MCF2L: variants seen among roughly 807,000 people sequenced by gnomAD.
MCF2L encodes the protein guanine nucleotide exchange factor DBS.
MCF2L carries 97 observed loss-of-function variants against 153.4 expected under a neutral mutation model. The ratio of observed to expected loss-of-function variants is 0.63; its 90% CI spans 0.54 to 0.75. The LOEUF is 0.75. MCF2L is among the 30% of genes least tolerant of loss of function. The pLI, the probability that MCF2L is intolerant of heterozygous loss-of-function variation, is 0.00. For missense variants in MCF2L, 1,347 were observed against 1,495.2 expected, an observed-to-expected ratio of 0.90 and a Z score of 1.64; for synonymous variants, 659 against 632.2, an observed-to-expected ratio of 1.04 and a Z score of -0.64.
rs897986846 is a variant in MCF2L at position 112,904,787 on chromosome 13, G to A, written c.169+2416G>A. 6.6e-6 allele frequency among the ~76,000 whole-genome samples: 1 copy of A among 152,254 alleles called. No individual in the cohort carries two copies. The highest frequency in any genetic ancestry group is 2.4e-5 in the African/African-American group (1 of 41,472). ...CGCACTCGGCTCTCAGGCCCTGCCT[G>A]CACCACACCTGCTCCGTCTCCAGGT... On this transcript the variant is annotated intron_variant, in intron 2 of 29. Coordinates refer to the MCF2L transcript ENST00000375608. This position sits in a 1 kb window ranked among gnomAD's most constrained non-coding sequence, Gnocchi z 4.2.
chr13:112,988,483 C>T (rs1181162264), intron 1 of MCF2L, among the ~76,000 whole-genome samples: 9 of 152,132 alleles, frequency 5.9e-5, no homozygotes, highest in South Asian at 4.1e-4. Context: ...CCTGGAGGGA[C>T]GTTCTGTCCT....
Position 113,031,707 on chromosome 13 carries a change from T to G in MCF2L, c.278+6949T>G, listed in dbSNP as rs2085734134. Reference sequence around the variant, plus strand: ...GGAAGGAATTCACTGAAGCTGATGATGACGCTTACTTTCCATGGGCCTGGC... The same window carrying G: ...GGAAGGAATTCACTGAAGCTGATGAGGACGCTTACTTTCCATGGGCCTGGC... On this transcript the variant is annotated intron_variant, in intron 3 of 29. Coordinates refer to ENST00000535094, the MANE Select transcript of MCF2L (RefSeq NM_001112732.3). This position sits in a 1 kb window ranked among gnomAD's most constrained non-coding sequence, Gnocchi z 5.5. Among the ~76,000 whole-genome samples, 1 of 152,042 alleles carries G rather than the reference T, an allele frequency of 6.6e-6. No homozygotes were observed. Among genetic ancestry groups the G allele is most frequent in the African/African-American group, 2.4e-5 (1 of 41,378 alleles).
chr13:112,985,533 C>A (rs1237832770), intron 1 of MCF2L: 4 of 460,132 alleles, frequency 8.7e-6, no homozygotes, highest in Non-Finnish European at 1.8e-5. Flanking sequence ...TCGGAGCAGT[C>A]GAGGCGGCCT....
chr13:112,946,335 T>A (rs532424987), intron 2 of MCF2L, among the ~76,000 whole-genome samples: 3 of 152,176 alleles, frequency 2.0e-5, no homozygotes, highest in African/African-American at 7.2e-5. Flanking sequence ...ATAAAACACA[T>A]GTGGTTGTGA....
intron 2 of MCF2L, among the ~76,000 whole-genome samples, chr13:113,019,433 G>C (rs1170419104): frequency 6.6e-6 from 1 of 152,206 alleles, no homozygotes; most frequent in Non-Finnish European, 1.5e-5. Context: ...CCAGGCTTCA[G>C]CCACAGACAG....
In MCF2L at chr13:112,907,582, C is replaced by T. The variant is rs58524880; in HGVS notation, c.169+5211C>T. On this transcript the variant is annotated intron_variant, in intron 2 of 29. Coordinates refer to the MCF2L transcript ENST00000375608. The surrounding 1 kb of genome is among the most constrained non-coding windows in gnomAD (Gnocchi z 5.1). Reference sequence around the variant, plus strand: ...TCTGACGGGGGAAGATGTGTTTCTTCACATCTTCAGGCTCCTTCTGTGGTT... The same window carrying T: ...TCTGACGGGGGAAGATGTGTTTCTTTACATCTTCAGGCTCCTTCTGTGGTT... Among the ~76,000 whole-genome samples, 5,057 of 152,178 alleles carry T rather than the reference C, an allele frequency of 0.033. 284 individuals carry two copies. The highest frequency in any genetic ancestry group is 0.11 in the African/African-American group (4,751 of 41,482).
rs145154542 is a variant in MCF2L, at chr13:112,941,744, G to A, written c.169+39373G>A. Among the ~76,000 whole-genome samples the A allele has an allele frequency of 5.5e-3, 835 of 152,226 alleles. 8 individuals carry two copies. Among genetic ancestry groups the A allele is most frequent in the African/African-American group, 0.019 (792 of 41,502 alleles). ...GTTATACTAGATATCGATCTTAGATGTGATTATATATGAATATCAATCATT... is the reference window on the plus strand; with the variant it reads ...GTTATACTAGATATCGATCTTAGATATGATTATATATGAATATCAATCATT... On this transcript the variant is annotated intron_variant, in intron 2 of 29. Coordinates refer to the MCF2L transcript ENST00000375608. This position sits in a 1 kb window ranked among gnomAD's most constrained non-coding sequence, Gnocchi z 4.9.
intron 26 of MCF2L, among the ~76,000 whole-genome samples, chr13:113,092,145 T>C (rs1385750227): frequency 6.6e-6 from 1 of 152,186 alleles, no homozygotes; most frequent in African/African-American, 2.4e-5. Context: ...TCAAACCCTC[T>C]CCGCTTGTGA....
chr13:113,035,300 G>T lies in MCF2L; in HGVS notation c.279-9971G>T, dbSNP rs778174093. 1.8e-4 allele frequency among the ~76,000 whole-genome samples: 27 copies of T among 152,130 alleles called. No homozygotes were observed. Among genetic ancestry groups the T allele is most frequent in the Non-Finnish European group, 3.4e-4 (23 of 68,026 alleles). On this transcript the variant is annotated intron_variant, in intron 3 of 29. Transcript: ENST00000535094. This position sits in a 1 kb window ranked among gnomAD's most constrained non-coding sequence, Gnocchi z 4.4. ...TGAATCGTGCATATTTTACTCTAAG[G>T]CCTGTCTGTAAACCCTAATAAATGA...
chr13:112,904,506 C>T lies in MCF2L; in HGVS notation c.169+2135C>T, dbSNP rs971223718. On this transcript the variant is annotated intron_variant, in intron 2 of 29. Coordinates refer to the MCF2L transcript ENST00000375608. The surrounding 1 kb of genome is among the most constrained non-coding windows in gnomAD (Gnocchi z 4.2). ...TGGTCAGAGCACCCACTTAGCAAGCCGTGGCTCTTAATAATGTCACATCTG... is the reference window on the plus strand; with the variant it reads ...TGGTCAGAGCACCCACTTAGCAAGCTGTGGCTCTTAATAATGTCACATCTG... Among the ~76,000 whole-genome samples the T allele has an allele frequency of 1.4e-4, 21 of 152,222 alleles. No homozygotes were observed. The highest frequency in any genetic ancestry group is 4.6e-4 in the Admixed American group (7 of 15,284).
At chr13:112,922,443 A>G (rs1406238919) in intron 2 of MCF2L, among the ~76,000 whole-genome samples, 2 of 152,194 alleles carry the variant, frequency 1.3e-5, no homozygotes, top group African/African-American at 2.4e-5. Flanking sequence ...ACCTGGCAAC[A>G]TAGTACTTTG....
intron 1 of MCF2L, among the ~76,000 whole-genome samples, chr13:112,896,457 G>GC (rs59245470): frequency 4.6e-5 from 7 of 151,312 alleles, no homozygotes; most frequent in African/African-American, 1.7e-4. Context: ...CAGAAGAGAG[G>GC]CCCCCCCTGT....
At chr13:112,929,841 CTTG>C (rs2081443897) in intron 2 of MCF2L, among the ~76,000 whole-genome samples, 2 of 152,212 alleles carry the variant, frequency 1.3e-5, no homozygotes, top group East Asian at 3.8e-4. Flanking sequence ...CAGTTGGCTG[CTTG>C]TTGTTTTCTT....
chr13:112,927,158 G>A (rs970384588), intron 2 of MCF2L, among the ~76,000 whole-genome samples: 11 of 152,166 alleles, frequency 7.2e-5, no homozygotes, highest in Non-Finnish European at 1.6e-4. Context: ...GCATGGCTGC[G>A]GCAAATGGCA....
At chr13:112,938,635 A>G (rs2081546213) in intron 2 of MCF2L, among the ~76,000 whole-genome samples, 1 of 152,154 alleles carries the variant, frequency 6.6e-6, no homozygotes, top group African/African-American at 2.4e-5. Context: ...CAAAATGATC[A>G]ATTTGAAAAT....
At chr13:112,944,090 T>TCCGGACCATGAGGGAAGGGTC (rs1218707804) in intron 2 of MCF2L, among the ~76,000 whole-genome samples, 1 of 111,198 alleles carries the variant, frequency 9.0e-6, no homozygotes, top group Non-Finnish European at 1.8e-5. Context: ...AGGGAAGGGT[T>TCCGGACCATGAGGGAAGGGTC]CCGGACCATG....
In MCF2L at chr13:112,913,226, CTGTG is replaced by C. The variant is rs540479896; in HGVS notation, c.169+10860_169+10863del. Among the ~76,000 whole-genome samples the C allele has an allele frequency of 4.3e-3, 554 of 128,258 alleles. 5 individuals are homozygous for C. The highest frequency in any genetic ancestry group is 0.015 in the African/African-American group (499 of 33,168). 84.1% of individuals were successfully genotyped at this position (128,258 alleles called of 152,430 possible). On this transcript the variant is annotated intron_variant, in intron 2 of 29. Transcript: ENST00000375608. ...GTATCTCTGTATGTATGGGGTGTGTCTGTGTGTGATTGTGTGTGTGTCTGGTGTA... is the reference window on the plus strand; with the variant it reads ...GTATCTCTGTATGTATGGGGTGTGTCTGTGATTGTGTGTGTGTCTGGTGTA...
intron 3 of MCF2L, among the ~76,000 whole-genome samples, chr13:113,037,777 G>A (rs2141444893): frequency 6.6e-6 from 1 of 152,326 alleles, no homozygotes; most frequent in South Asian, 2.1e-4. Context: ...GCTGAGGTCA[G>A]GAACACTGTT....
At position 113,075,188 on chromosome 13, in the gene MCF2L, C is replaced by T. The variant is rs751741111; in HGVS notation, c.1307C>T (p.Thr436Met). ...KSLELHRRLE[T>M]SMKWCDEGIY... ...CTGGAGCTGCACCGCCGCCTGGAGA[C>T]GGTAGGCCGAGCCGGACCCCACCCC... is the stretch of plus-strand genomic sequence containing the variant. The change falls in exon 11 of 30, where the codon ACG becomes ATG. Residue 436 changes from threonine to methionine, a missense_variant and splice_region_variant. This residue lies in a region of MCF2L where 820 missense variants were observed against 921.2 expected (regional missense o/e 0.89). Transcript: ENST00000535094. The T allele has an allele frequency of 4.9e-5, 78 of 1,589,570 alleles. No homozygotes were observed. The highest frequency in any genetic ancestry group is 1.1e-4 in the East Asian group (5 of 44,206).
Sources: allele counts gnomAD v4.1 joint callset (sites outside exome capture counted in the v4.1 genomes callset), GRCh38; gene constraint gnomAD v4.1.1; regional missense constraint gnomAD v4.1.1; non-coding constraint Gnocchi (gnomAD v3.1); transcripts MANE v1.5; gene names NCBI Gene and HGNC (gene_info 2026-07-23, HGNC 2026-07-21).